Variants in RUNDC3B observed in about 807,000 individuals in gnomAD.
RUNDC3B encodes the protein RUN domain containing 3B.
RUNDC3B carries 33 observed loss-of-function variants against 58.4 expected under a neutral mutation model. The observed-to-expected ratio is 0.56, with a 90% CI of 0.43 to 0.75. RUNDC3B has a LOEUF of 0.75. Among genes scored for constraint, RUNDC3B ranks in the 30% least tolerant of loss-of-function variants. RUNDC3B has a pLI of 0.00. For synonymous variants in RUNDC3B, 193 were observed against 195.2 expected (o/e 0.99, Z 0.10); for missense variants, 501 against 535.7 (o/e 0.94, Z 0.64).
intron 5 of RUNDC3B, among the ~76,000 whole-genome samples, chr7:87,740,932 C>T (rs748590183): frequency 3.3e-5 from 5 of 152,072 alleles, no homozygotes; most frequent in Non-Finnish European, 7.4e-5. Context: ...AGGCCAGGCG[C>T]GGTGGCTTTC....
At chr7:87,810,537 C>T (rs1318412100) in intron 9 of RUNDC3B, among the ~76,000 whole-genome samples, 2 of 152,028 alleles carry the variant, frequency 1.3e-5, no homozygotes, top group African/African-American at 4.8e-5. Context: ...AGGCTAATGG[C>T]CTCCTGTTTG....
chr7:87,812,957 G>A (rs1379364462), intron 9 of RUNDC3B, among the ~76,000 whole-genome samples: 3 of 152,120 alleles, frequency 2.0e-5, no homozygotes, highest in Non-Finnish European at 2.9e-5. Context: ...TGGAAATCAG[G>A]TAAAAATGAG....
At chr7:87,808,126 C>CT in intron 9 of RUNDC3B, among the ~76,000 whole-genome samples, 1 of 152,192 alleles carries the variant, frequency 6.6e-6, no homozygotes, top group Non-Finnish European at 1.5e-5. Flanking sequence ...CTTTTAGCCA[C>CT]TTTTCCACCT....
At chr7:87,662,827 G>C (rs768735818) in intron 2 of RUNDC3B, among the ~76,000 whole-genome samples, 5 of 152,060 alleles carry the variant, frequency 3.3e-5, no homozygotes, top group Non-Finnish European at 7.4e-5. Context: ...CATTGAATAT[G>C]TATACTGCTT....
intron 2 of RUNDC3B, among the ~76,000 whole-genome samples, chr7:87,698,559 TAA>T (rs1007653099): frequency 6.6e-6 from 1 of 152,210 alleles, no homozygotes; most frequent in African/African-American, 2.4e-5. Context: ...ACTATTGCTA[TAA>T]AAAGATAATT....
intron 4 of RUNDC3B, among the ~76,000 whole-genome samples, chr7:87,725,534 A>T (rs1164519998): frequency 6.6e-6 from 1 of 152,216 alleles, no homozygotes. Flanking sequence ...TATTGTGAAT[A>T]GTGCCACAAT....
chr7:87,727,554 A>G (rs1831309707), intron 4 of RUNDC3B, among the ~76,000 whole-genome samples: 1 of 152,064 alleles, frequency 6.6e-6, no homozygotes, highest in African/African-American at 2.4e-5. Flanking sequence ...AGGCAAATTA[A>G]ATACCTGATT....
chr7:87,668,107 T>C (rs1825450654), intron 2 of RUNDC3B, among the ~76,000 whole-genome samples: 1 of 151,724 alleles, frequency 6.6e-6, no homozygotes, highest in Admixed American at 6.6e-5. Context: ...TATGAATCCA[T>C]CAGGCCCTTG....
rs928161385 is a variant in RUNDC3B at position 87,628,467 on chromosome 7, G to A, written c.-357G>A. On this transcript the variant is annotated 5_prime_UTR_variant, in exon 1 of 11. Coordinates refer to ENST00000394654, the MANE Select transcript of RUNDC3B (RefSeq NM_001134405.2). ...GTGGTTGGGCGTGAGGGGCCGACGG[G>A]CTCGCGCGCGCGCCGTCTGCTGAGG... The A allele has an allele frequency of 1.6e-5, 3 of 182,440 alleles. No homozygotes were observed. The highest frequency in any genetic ancestry group is 3.4e-5 in the Non-Finnish European group (3 of 87,890). 11.3% of individuals were successfully genotyped at this position (182,440 alleles called of 1,614,324 possible).
intron 6 of RUNDC3B, among the ~76,000 whole-genome samples, chr7:87,757,309 A>G (rs1260584787): frequency 1.3e-5 from 2 of 152,172 alleles, no homozygotes; most frequent in Non-Finnish European, 2.9e-5. Context: ...CCAATAAACT[A>G]TTAGAACTGA....
chr7:87,641,731 A>C (rs954399895), intron 1 of RUNDC3B, among the ~76,000 whole-genome samples: 1 of 152,244 alleles, frequency 6.6e-6, no homozygotes. Flanking sequence ...TGAAAGAAAG[A>C]AAGTGGATAT....
intron 6 of RUNDC3B, among the ~76,000 whole-genome samples, chr7:87,762,213 T>C (rs4425673): frequency 6.6e-6 from 1 of 151,704 alleles, no homozygotes; most frequent in African/African-American, 2.4e-5. Context: ...TTTCTGCATC[T>C]ATTAAAATTA....
chr7:87,694,350 C>T (rs1828301622), intron 2 of RUNDC3B, among the ~76,000 whole-genome samples: 1 of 152,080 alleles, frequency 6.6e-6, no homozygotes, highest in South Asian at 2.1e-4. Flanking sequence ...TCTTAGTTTC[C>T]TTTCTCCCAG....
At chr7:87,758,775 G>A (rs1833517735) in intron 6 of RUNDC3B, among the ~76,000 whole-genome samples, 1 of 152,122 alleles carries the variant, frequency 6.6e-6, no homozygotes, top group South Asian at 2.1e-4. Flanking sequence ...AAACTACAAT[G>A]AGATATCATC....
Position 87,759,495 on chromosome 7 carries a change from C to T in RUNDC3B, c.630-11086C>T, listed in dbSNP as rs910210984. On this transcript the variant is annotated intron_variant, in intron 6 of 10. Transcript: ENST00000394654. ...AAGAGTGGAATTGGAATGTTCCTAA[C>T]ACAAAGAAATGACACATGTGGTTGG... Among the ~76,000 whole-genome samples, 18 of 151,896 alleles carry T rather than the reference C, an allele frequency of 1.2e-4. 2 individuals are homozygous for T.
intron 2 of RUNDC3B, chr7:87,693,757 C>T (rs1376901579): frequency 4.7e-6 from 3 of 642,542 alleles, no homozygotes; most frequent in African/African-American, 1.9e-5. Flanking sequence ...TTTATCTTAA[C>T]AGAGTTCATT....
At chr7:87,818,983 C>A (rs896770890) in intron 10 of RUNDC3B, among the ~76,000 whole-genome samples, 3 of 152,172 alleles carry the variant, frequency 2.0e-5, no homozygotes, top group Admixed American at 6.5e-5. Context: ...GGCAGCACTC[C>A]TCTCAAGGGG....
At chr7:87,754,546 C>A (rs537928076) in intron 6 of RUNDC3B, among the ~76,000 whole-genome samples, 1 of 152,200 alleles carries the variant, frequency 6.6e-6, no homozygotes, top group Non-Finnish European at 1.5e-5. Context: ...GAAGCAAGAA[C>A]AAATGCACCC....
intron 7 of RUNDC3B, among the ~76,000 whole-genome samples, chr7:87,776,045 T>A (rs1834602620): frequency 6.6e-6 from 1 of 152,188 alleles, no homozygotes; most frequent in Non-Finnish European, 1.5e-5. Context: ...ACAGTATAAC[T>A]CTTATACTAA....
Sources: allele counts gnomAD v4.1 joint callset (sites outside exome capture counted in the v4.1 genomes callset), GRCh38; gene constraint gnomAD v4.1.1; transcripts MANE v1.5; gene names NCBI Gene and HGNC (gene_info 2026-07-23, HGNC 2026-07-21).